The following ASIC2 variants were observed in gnomAD, a reference collection of about 807,000 sequenced individuals.
ASIC2 encodes the protein acid sensing ion channel subunit 2, also known as acid-sensing ion channel 2.
Under a neutral mutation model 57.3 loss-of-function variants are expected in ASIC2, and 25 were observed. The ratio of observed to expected loss-of-function variants is 0.44; its 90% confidence interval spans 0.32 to 0.61. The LOEUF is 0.61. Ranked by LOEUF, ASIC2 falls within the 20% of genes least tolerant of loss-of-function variation. The pLI is 0.06. For synonymous variants in ASIC2, 319 were observed against 307.5 expected (o/e 1.04, Z -0.39); for missense variants, 641 against 738.1 (o/e 0.87, Z 1.52).
chr17:33,940,364 C>G (rs1916159975), intron 1 of ASIC2, among the ~76,000 whole-genome samples: 1 of 152,160 alleles, frequency 6.6e-6, no homozygotes, highest in African/African-American at 2.4e-5. Flanking sequence ...GAGGGATCAC[C>G]CTGAAGCATC....
chr17:33,797,662 T>C (rs1463911588), intron 1 of ASIC2, among the ~76,000 whole-genome samples: 1 of 152,214 alleles, frequency 6.6e-6, no homozygotes, highest in Non-Finnish European at 1.5e-5. Context: ...AAATGTTAAT[T>C]GCTGCTCAGA....
chr17:33,912,501 C>A (rs1381647207), intron 1 of ASIC2, among the ~76,000 whole-genome samples: 2 of 150,950 alleles, frequency 1.3e-5, no homozygotes, highest in Admixed American at 1.3e-4. Flanking sequence ...AACAAACAAA[C>A]AAAAATAAAA....
chr17:33,254,322 C>A (rs1176167804), intron 1 of ASIC2, among the ~76,000 whole-genome samples: 1 of 152,200 alleles, frequency 6.6e-6, no homozygotes, highest in Non-Finnish European at 1.5e-5. Flanking sequence ...CATACTGTCA[C>A]CAATGTGATC....
At chr17:33,496,328 T>C (rs1913930063) in intron 1 of ASIC2, among the ~76,000 whole-genome samples, 1 of 152,162 alleles carries the variant, frequency 6.6e-6, no homozygotes, top group African/African-American at 2.4e-5. Flanking sequence ...CTTCTCTGCT[T>C]CTATGGCACC....
At chr17:33,089,134 C>T (rs1379466544) in intron 2 of ASIC2, 144 bp from the exon 3 acceptor site, 5 of 1,132,536 alleles carry the variant, frequency 4.4e-6, no homozygotes, top group Non-Finnish European at 6.0e-6. Context: ...ATCCCCACCT[C>T]CAGAAACTGT....
intron 1 of ASIC2, among the ~76,000 whole-genome samples, chr17:33,837,693 T>G (rs543907351): frequency 2.6e-5 from 4 of 152,320 alleles, no homozygotes. Flanking sequence ...TAATTCATTC[T>G]CTACAGGGCT....
intron 1 of ASIC2, among the ~76,000 whole-genome samples, chr17:33,690,343 A>G (rs1417672178): frequency 6.6e-6 from 1 of 152,194 alleles, no homozygotes; most frequent in African/African-American, 2.4e-5. Context: ...TAGAATTTCC[A>G]AGTCTGTTTT....
intron 1 of ASIC2, among the ~76,000 whole-genome samples, chr17:33,836,864 A>C (rs1161733996): frequency 6.6e-6 from 1 of 152,184 alleles, no homozygotes; most frequent in East Asian, 1.9e-4. Context: ...AAAATAAAAA[A>C]GTTAAGCAGA....
chr17:34,129,525 C>G (rs1051722609), intron 1 of ASIC2, among the ~76,000 whole-genome samples: 3 of 152,126 alleles, frequency 2.0e-5, no homozygotes, highest in African/African-American at 7.2e-5. Context: ...CCATGTTATA[C>G]CTGGAACTAA....
intron 1 of ASIC2, among the ~76,000 whole-genome samples, chr17:33,169,696 C>A (rs776973809): frequency 6.6e-6 from 1 of 152,150 alleles, no homozygotes; most frequent in Non-Finnish European, 1.5e-5. Flanking sequence ...ATGGAGGTGA[C>A]TCTATGAAGC....
intron 1 of ASIC2, chr17:34,037,849 A>G (rs2142042930): frequency 6.2e-7 from 1 of 1,614,018 alleles, no homozygotes; most frequent in Admixed American, 1.7e-5. Context: ...CAGTAGCTTT[A>G]AGAATCGTAT....
At chr17:33,521,816 T>A (rs1056612288) in intron 1 of ASIC2, among the ~76,000 whole-genome samples, 1 of 152,154 alleles carries the variant, frequency 6.6e-6, no homozygotes, top group African/African-American at 2.4e-5. Flanking sequence ...TCCCCGCTCC[T>A]CAGAACCCTG....
At chr17:33,070,926 T>C (rs1307411955) in intron 3 of ASIC2, among the ~76,000 whole-genome samples, 1 of 152,176 alleles carries the variant, frequency 6.6e-6, no homozygotes, top group Non-Finnish European at 1.5e-5. Context: ...TTGACAGATA[T>C]TGCTCCACTG....
intron 1 of ASIC2, chr17:33,980,675 C>T (rs1905581448): frequency 6.6e-6 from 1 of 152,268 alleles, no homozygotes; most frequent in South Asian, 2.1e-4. Context: ...CAGCTGCCAG[C>T]TCCCCATGGG....
chr17:33,689,969 G>A (rs1008741033), intron 1 of ASIC2, among the ~76,000 whole-genome samples: 5 of 152,188 alleles, frequency 3.3e-5, no homozygotes, highest in African/African-American at 4.8e-5. Flanking sequence ...TTCAGACTCC[G>A]GTCTCCAAAA....
At chr17:33,862,402 T>C (rs1914123109) in intron 1 of ASIC2, among the ~76,000 whole-genome samples, 1 of 152,170 alleles carries the variant, frequency 6.6e-6, no homozygotes, top group African/African-American at 2.4e-5. Context: ...TTTTTCTTTT[T>C]GAAATTTTAT....
chr17:33,531,515 G>A (rs1298778727), intron 1 of ASIC2, among the ~76,000 whole-genome samples: 1 of 152,154 alleles, frequency 6.6e-6, no homozygotes, highest in Non-Finnish European at 1.5e-5. Flanking sequence ...TGGCTGCCCA[G>A]GTCTCTTAGA....
At chr17:34,050,284 G>A (rs1014833451) in intron 1 of ASIC2, among the ~76,000 whole-genome samples, 11 of 152,144 alleles carry the variant, frequency 7.2e-5, no homozygotes, top group African/African-American at 2.4e-4. Context: ...GGCAGAAAAC[G>A]GAGCTATTTT....
intron 1 of ASIC2, among the ~76,000 whole-genome samples, chr17:33,675,191 C>G (rs1026553066): frequency 1.3e-5 from 2 of 152,110 alleles, no homozygotes; most frequent in African/African-American, 2.4e-5. Context: ...CCTTTAGTGA[C>G]TCATCTTCTT....
Sources: allele counts gnomAD v4.1 joint callset (sites outside exome capture counted in the v4.1 genomes callset), GRCh38; gene constraint gnomAD v4.1.1; transcripts MANE v1.5; gene names NCBI Gene and HGNC (gene_info 2026-07-23, HGNC 2026-07-21).